Variants in FHL3 observed in about 807,000 individuals in gnomAD.
FHL3 encodes the protein four and a half LIM domains protein 3.
FHL3 carries 21 observed loss-of-function variants against 34.3 expected under a neutral mutation model. The observed-to-expected ratio is 0.61, with a 90% CI of 0.43 to 0.88. The LOEUF is 0.88. FHL3 is among the 40% of genes least tolerant of loss of function. The pLI, the probability that FHL3 is intolerant of heterozygous loss-of-function variation, is 0.00. For synonymous variants in FHL3, 137 were observed against 144.6 expected (o/e 0.95, Z 0.38); for missense variants, 333 against 373.7 (o/e 0.89, Z 0.90).
At chr1:37,999,782 G>C (rs549893956) in intron 1 of FHL3, among the ~76,000 whole-genome samples, 4 of 152,286 alleles carry the variant, frequency 2.6e-5, no homozygotes, top group Non-Finnish European at 5.9e-5. Context: ...CCCCAGCGTG[G>C]GAGAAGCAGG....
At chr1:38,000,376 C>T (rs1004294495) in intron 1 of FHL3, among the ~76,000 whole-genome samples, 5 of 152,194 alleles carry the variant, frequency 3.3e-5, no homozygotes, top group Non-Finnish European at 7.3e-5. Context: ...TTTCCATCCC[C>T]TGGGGTCATG....
intron 1 of FHL3, 87 bp from the exon 2 acceptor site, chr1:37,999,519 GC>G (rs10711855): frequency 0.042 from 53,873 of 1,283,704 alleles, 1,909 homozygotes; most frequent in African/African-American, 0.17. Context: ...TCAAAACACA[GC>G]CAAGAGACCC....
rs1402034306 is a variant in FHL3 at position 37,999,350 on chromosome 1, C to G, written c.63G>C (p.Gln21His). 1.2e-6 allele frequency: 2 copies of G among 1,614,258 alleles called. No individual in the cohort carries two copies. The highest frequency in any genetic ancestry group is 1.7e-6 in the Non-Finnish European group (2 of 1,180,044). Residue 21 changes from glutamine to histidine, a missense_variant, in exon 2 of 6, where the codon CAG (glutamine) becomes CAC (histidine). Gln to His is a conservative substitution (Grantham distance 24, BLOSUM62 0). Coordinates refer to ENST00000373016, the MANE Select transcript of FHL3 (RefSeq NM_004468.5). ...NESLYGRKYIQTDSGPYCVPC... is the reference protein window; with the variant it reads ...NESLYGRKYIHTDSGPYCVPC... Reference sequence around the variant, plus strand: ...GCACACAGTAGGGGCCGCTGTCTGTCTGGATGTACTTGCGTCCATACAGGG... The same window carrying G: ...GCACACAGTAGGGGCCGCTGTCTGTGTGGATGTACTTGCGTCCATACAGGG...
At chr1:37,998,789 T>C (rs999650188) in intron 3 of FHL3, 185 bp downstream of exon 3, 1 of 613,078 alleles carries the variant, frequency 1.6e-6, no homozygotes, top group Admixed American at 3.0e-5. Flanking sequence ...CATGTGTCAA[T>C]CTGCCTGTAC....
chr1:38,004,235 G>T (rs1349954721), intron 1 of FHL3, among the ~76,000 whole-genome samples: 1 of 152,062 alleles, frequency 6.6e-6, no homozygotes, highest in East Asian at 1.9e-4. Flanking sequence ...TTCACCCTGG[G>T]TCCCCCAGGG....
chr1:38,000,752 C>T (rs1169817641), intron 1 of FHL3, among the ~76,000 whole-genome samples: 1 of 152,150 alleles, frequency 6.6e-6, no homozygotes, highest in Admixed American at 6.5e-5. Context: ...AAAGTCAGAG[C>T]TCCCACCCCT....
At chr1:38,000,558 G>T (rs947152602) in intron 1 of FHL3, among the ~76,000 whole-genome samples, 1 of 152,124 alleles carries the variant, frequency 6.6e-6, no homozygotes, top group African/African-American at 2.4e-5. Context: ...CCTGAGAGCT[G>T]CTGCTGGAGA....
Position 37,998,318 on chromosome 1 carries a change from G to A in FHL3, c.332-186C>T, listed in dbSNP as rs555483030. On this transcript the variant is annotated intron_variant, in intron 3 of 5. Coordinates refer to ENST00000373016, the MANE Select transcript of FHL3 (RefSeq NM_004468.5). ...TAACCTCTCCCCAGACACCGGACAT[G>A]ATGACCCAGCTAGACACGAGGGTTT... 3.3e-5 allele frequency among the ~76,000 whole-genome samples: 5 copies of A among 152,224 alleles called. No homozygotes were observed. The East Asian group carries it at 9.6e-4, about 29-fold the overall frequency.
intron 1 of FHL3, among the ~76,000 whole-genome samples, chr1:38,003,662 A>G (rs999788696): frequency 2.6e-5 from 4 of 152,206 alleles, no homozygotes; most frequent in African/African-American, 9.7e-5. Context: ...AGGACAGAGT[A>G]TCATCCCCAT....
rs1467796570 is a variant in FHL3, at chr1:37,998,456, T to G, written c.332-324A>C. 3.9e-5 allele frequency among the ~76,000 whole-genome samples: 6 copies of G among 151,992 alleles called. No individual in the cohort carries two copies. The East Asian group carries it at 9.6e-4, about 24-fold the overall frequency. On this transcript the variant is annotated intron_variant, in intron 3 of 5. Coordinates refer to ENST00000373016, the MANE Select transcript of FHL3 (RefSeq NM_004468.5). ...GAGCTAAGCCCTCATATAACAGATG[T>G]GATGATTTTAGCACTCACATGGGAC...
intron 1 of FHL3, among the ~76,000 whole-genome samples, chr1:38,004,130 C>T (rs1284156560): frequency 2.6e-5 from 4 of 152,186 alleles, no homozygotes; most frequent in African/African-American, 9.6e-5. Flanking sequence ...AAGCTCTGCT[C>T]TCCCCCATGT....
In FHL3 at chr1:37,999,449, G is replaced by C; in HGVS notation, c.-20-17C>G. The C allele has an allele frequency of 6.2e-7, 1 of 1,610,650 alleles. No homozygotes were observed. The highest frequency in any genetic ancestry group is 8.5e-7 in the Non-Finnish European group (1 of 1,178,412). On this transcript the variant is annotated splice_polypyrimidine_tract_variant and intron_variant, in intron 1 of 5. Transcript: ENST00000373016. The stretch of plus-strand genomic sequence containing the variant: ...GAGAGAACCCTGTTAGGAGCACAAG[G>C]TGGAACTGGGGTCACACAGAGAGGC...
In FHL3 at chr1:37,996,832, A is replaced by G. The variant is rs535059633; in HGVS notation, c.*573T>C. On this transcript the variant is annotated 3_prime_UTR_variant, in exon 6 of 6. Coordinates refer to ENST00000373016, the MANE Select transcript of FHL3 (RefSeq NM_004468.5). ...ATGAGCCAATCTCACCCCTCTGCCC[A>G]TCTATGGGCAAAATGGAGCTGAAAT... 25 of 153,192 alleles carry G rather than the reference A, an allele frequency of 1.6e-4. No homozygotes were observed. Among genetic ancestry groups the G allele is most frequent in the African/African-American group, 6.0e-4 (25 of 41,386 alleles). The allele number at this position is 153,192 out of a possible 1,614,324, so 9.5% of individuals were successfully genotyped here.
intron 1 of FHL3, among the ~76,000 whole-genome samples, chr1:38,000,974 G>A (rs1035903639): frequency 3.9e-5 from 6 of 152,196 alleles, no homozygotes; most frequent in African/African-American, 1.2e-4. Flanking sequence ...AGCTGAAGGA[G>A]AAGTCCTCCT....
rs1646544156 is a variant in FHL3 at position 37,997,349 on chromosome 1, AG to A, written c.*55del. 1.9e-6 allele frequency: 3 copies of A among 1,550,698 alleles called. No individual in the cohort carries two copies. In the South Asian group the frequency reaches 3.6e-5, roughly 18 times the overall value. The stretch of plus-strand genomic sequence containing the variant: ...CTGAGTCCCAGAGGTGGTTTAGAAA[AG>A]GAGCCACAGTCCTGGGCCCGTGGTA... On this transcript the variant is annotated 3_prime_UTR_variant, in exon 6 of 6. Coordinates refer to ENST00000373016, the MANE Select transcript of FHL3 (RefSeq NM_004468.5). This position sits in a 1 kb window ranked among gnomAD's most constrained non-coding sequence, Gnocchi z 4.3.
chr1:37,997,349 A>G lies in FHL3; in HGVS notation c.*56T>C, dbSNP rs1570479741. The G allele has an allele frequency of 2.6e-6, 4 of 1,550,698 alleles. No individual in the cohort carries two copies. The highest frequency in any genetic ancestry group is 3.5e-6 in the Non-Finnish European group (4 of 1,149,052). The stretch of plus-strand genomic sequence containing the variant: ...CTGAGTCCCAGAGGTGGTTTAGAAA[A>G]GGAGCCACAGTCCTGGGCCCGTGGT... On this transcript the variant is annotated 3_prime_UTR_variant, in exon 6 of 6. Transcript: ENST00000373016. This position sits in a 1 kb window ranked among gnomAD's most constrained non-coding sequence, Gnocchi z 4.3.
At chr1:37,998,258 C>G in intron 3 of FHL3, 126 bp from the exon 4 acceptor site, 4 of 765,060 alleles carry the variant, frequency 5.2e-6, no homozygotes, top group South Asian at 5.2e-5. Context: ...GCACATGCAG[C>G]AAGAACCCCC....
chr1:37,999,466 C>CA, intron 1 of FHL3, 34 bp from the exon 2 acceptor site: 1 of 1,600,208 alleles, frequency 6.2e-7, no homozygotes, highest in Non-Finnish European at 8.5e-7. Context: ...TGGGGTCACA[C>CA]AGAGAGGCTG....
Position 37,997,354 on chromosome 1 carries a change from C to T in FHL3, c.*51G>A, listed in dbSNP as rs761035965. The stretch of plus-strand genomic sequence containing the variant: ...TCCCAGAGGTGGTTTAGAAAAGGAG[C>T]CACAGTCCTGGGCCCGTGGTATGGG... On this transcript the variant is annotated 3_prime_UTR_variant, in exon 6 of 6. Transcript: ENST00000373016. The surrounding 1 kb of genome is among the most constrained non-coding windows in gnomAD (Gnocchi z 4.3). 3.2e-6 allele frequency: 5 copies of T among 1,564,054 alleles called. No homozygotes were observed. The South Asian group carries it at 3.5e-5, about 11-fold the overall frequency.
Sources: allele counts gnomAD v4.1 joint callset (sites outside exome capture counted in the v4.1 genomes callset), GRCh38; gene constraint gnomAD v4.1.1; non-coding constraint Gnocchi (gnomAD v3.1); transcripts MANE v1.5; gene names NCBI Gene and HGNC (gene_info 2026-07-23, HGNC 2026-07-21).